Variants in GRM5 observed in about 807,000 individuals in gnomAD.
The protein encoded by GRM5 is metabotropic glutamate receptor 5.
GRM5 carries 19 observed loss-of-function variants against 83.1 expected under a neutral mutation model. That is an observed-to-expected ratio of 0.23 (90% CI 0.16 to 0.34). The LOEUF (loss-of-function observed/expected upper bound fraction) is 0.34. GRM5 is among the 10% of genes least tolerant of loss of function. The pLI is 1.00. For synonymous variants in GRM5, 675 were observed against 633.6 expected, an observed-to-expected ratio of 1.07 and a Z score of -0.98; for missense variants, 1,160 against 1,588.3, an observed-to-expected ratio of 0.73 and a Z score of 4.58.
intron 3 of GRM5, among the ~76,000 whole-genome samples, chr11:88,668,653 GT>G (rs1156609093): frequency 6.6e-6 from 1 of 152,030 alleles, no homozygotes; most frequent in African/African-American, 2.4e-5. Context: ...TATTATTGTG[GT>G]AAAAACAGGT....
At chr11:88,868,896 C>T (rs12293139) in intron 2 of GRM5, among the ~76,000 whole-genome samples, 3,980 of 151,782 alleles carry the variant, frequency 0.026, 179 homozygotes, top group African/African-American at 0.089. Context: ...AGTGTTTTAA[C>T]AAAATCACTT....
intron 3 of GRM5, among the ~76,000 whole-genome samples, chr11:88,840,478 CT>C (rs1044919115): frequency 1.8e-4 from 28 of 151,514 alleles, no homozygotes; most frequent in African/African-American, 4.1e-4. Flanking sequence ...TTACCCCCAC[CT>C]TTTTTTTTCC....
rs141472242 is a variant in GRM5 at position 88,636,024 on chromosome 11, T to G, written c.1147+17144A>C. Among the ~76,000 whole-genome samples, 1,097 of 152,306 alleles carry G rather than the reference T, an allele frequency of 7.2e-3. 7 individuals are homozygous for G. Among genetic ancestry groups the G allele is most frequent in the African/African-American group, 0.026 (1,061 of 41,560 alleles). On this transcript the variant is annotated intron_variant, in intron 4 of 9. Transcript: ENST00000305447. Reference sequence around the variant, plus strand: ...CTTCTATTACAAAAATGTAATAAACTCACTAGAACTTAGTTTGTAAACACC... The same window carrying G: ...CTTCTATTACAAAAATGTAATAAACGCACTAGAACTTAGTTTGTAAACACC...
At chr11:88,585,960 C>A (rs1823646141) in intron 7 of GRM5, among the ~76,000 whole-genome samples, 1 of 151,982 alleles carries the variant, frequency 6.6e-6, no homozygotes, top group Non-Finnish European at 1.5e-5. Flanking sequence ...GTTTTCATAC[C>A]AGATTCTTTA....
At chr11:88,964,369 G>C (rs1938880756) in intron 2 of GRM5, among the ~76,000 whole-genome samples, 1 of 114,410 alleles carries the variant, frequency 8.7e-6, no homozygotes, top group Non-Finnish European at 2.0e-5. Flanking sequence ...AGGGCACAGA[G>C]GGTTTTTTTT....
At chr11:88,892,856 G>T (rs1565280450) in intron 2 of GRM5, among the ~76,000 whole-genome samples, 2 of 152,008 alleles carry the variant, frequency 1.3e-5, no homozygotes, top group African/African-American at 4.8e-5. Context: ...ATTCTGCCAG[G>T]TAATGAAAGT....
intron 1 of GRM5, among the ~76,000 whole-genome samples, chr11:89,063,819 C>G (rs555171159): frequency 6.6e-6 from 1 of 152,274 alleles, no homozygotes; most frequent in South Asian, 2.1e-4. Context: ...AACATAGACT[C>G]CTGGGTGAAT....
At chr11:89,046,631 T>G (rs1295700879) in intron 2 of GRM5, among the ~76,000 whole-genome samples, 1 of 152,242 alleles carries the variant, frequency 6.6e-6, no homozygotes, top group African/African-American at 2.4e-5. Flanking sequence ...AAAATTATAC[T>G]TCTCAAATAT....
At chr11:88,539,163 G>A (rs1005343845) in intron 8 of GRM5, among the ~76,000 whole-genome samples, 7 of 152,192 alleles carry the variant, frequency 4.6e-5, no homozygotes, top group Admixed American at 4.6e-4. Flanking sequence ...AGTGGTGCTC[G>A]ATGGAAGCAG....
At chr11:88,766,653 T>C (rs541964188) in intron 3 of GRM5, among the ~76,000 whole-genome samples, 24 of 152,080 alleles carry the variant, frequency 1.6e-4, no homozygotes, top group African/African-American at 5.1e-4. Flanking sequence ...AGGCAAAGAT[T>C]TCATGACCAA....
intron 3 of GRM5, among the ~76,000 whole-genome samples, chr11:88,772,148 T>C (rs1942750829): frequency 6.6e-6 from 1 of 152,202 alleles, no homozygotes; most frequent in African/African-American, 2.4e-5. Context: ...TAACATTTTA[T>C]TTTAAACATA....
intron 3 of GRM5, among the ~76,000 whole-genome samples, chr11:88,753,210 C>A (rs1260327169): frequency 6.6e-6 from 1 of 152,026 alleles, no homozygotes; most frequent in African/African-American, 2.4e-5. Context: ...ATCCATCTGA[C>A]AAAAATCTTA....
At position 88,556,062 on chromosome 11, in the gene GRM5, T is replaced by C. The variant is rs2062853; in HGVS notation, c.2630+10991A>G. ...AGAAAAGCAGTTAAGCAGAAACTTA[T>C]TAACTTGCCACCGAAGGATGTAATG... On this transcript the variant is annotated intron_variant, in intron 8 of 9. Transcript: ENST00000305447. Among the ~76,000 whole-genome samples, 561 of 152,268 alleles carry C rather than the reference T, an allele frequency of 3.7e-3. 3 individuals carry two copies. The highest frequency in any genetic ancestry group is 5.1e-3 in the Non-Finnish European group (344 of 67,994).
chr11:88,524,214 CTT>C lies in GRM5; in HGVS notation c.2726+1093_2726+1094del, dbSNP rs71470770. Among the ~76,000 whole-genome samples, 138 of 101,386 alleles carry C rather than the reference CTT, an allele frequency of 1.4e-3. 4 individuals are homozygous for C. The highest frequency in any genetic ancestry group is 0.011 in the East Asian group (42 of 3,712). The allele number at this position is 101,386 out of a possible 152,430, so 66.5% of individuals were successfully genotyped here. ...TTTTTCTTTCTTTCTTTCTTTCTTT[CTT>C]TTTTTTTTTTTTTTTTTTTGAGACA... is the stretch of plus-strand genomic sequence containing the variant. On this transcript the variant is annotated intron_variant, in intron 9 of 9. Coordinates refer to ENST00000305447, the MANE Select transcript of GRM5 (RefSeq NM_001143831.3).
At chr11:89,019,096 C>A (rs185907778) in intron 2 of GRM5, among the ~76,000 whole-genome samples, 4 of 152,178 alleles carry the variant, frequency 2.6e-5, no homozygotes, top group African/African-American at 9.6e-5. Context: ...GACTGATTGT[C>A]ATGTTTTTAT....
intron 3 of GRM5, among the ~76,000 whole-genome samples, chr11:88,698,128 T>A (rs2135368862): frequency 6.6e-6 from 1 of 152,296 alleles, no homozygotes; most frequent in African/African-American, 2.4e-5. Context: ...CTAGGGAAAC[T>A]TTTAAAAATG....
intron 3 of GRM5, among the ~76,000 whole-genome samples, chr11:88,843,869 G>C (rs544294471): frequency 3.3e-5 from 5 of 152,180 alleles, no homozygotes; most frequent in Admixed American, 6.5e-5. Context: ...CTAATCAAGA[G>C]CAAGATCTTA....
At chr11:88,899,346 G>C (rs144562186) in intron 2 of GRM5, among the ~76,000 whole-genome samples, 1,826 of 151,898 alleles carry the variant, frequency 0.012, 43 homozygotes, top group African/African-American at 0.042. Flanking sequence ...CCCTGAGATA[G>C]GAGAGTAATA....
chr11:88,822,255 C>T (rs1292678625), intron 3 of GRM5, among the ~76,000 whole-genome samples: 2 of 152,074 alleles, frequency 1.3e-5, no homozygotes, highest in Non-Finnish European at 2.9e-5. Context: ...TTGATATTGA[C>T]CTATTGTGTT....
Sources: gnomAD v4.1 joint callset for allele counts (sites outside exome capture counted in the v4.1 genomes callset) on GRCh38, gnomAD v4.1.1 for gene constraint, MANE v1.5 for transcripts, NCBI Gene and HGNC (gene_info 2026-07-23, HGNC 2026-07-21) for gene names.